KIAA1671: variants seen among roughly 807,000 people sequenced by gnomAD.
KIAA1671 encodes the protein KIAA1671.
KIAA1671 carries 52 observed loss-of-function variants against 131.2 expected under a neutral mutation model. The ratio of observed to expected loss-of-function variants is 0.40; its 90% CI spans 0.32 to 0.50. KIAA1671 has a LOEUF of 0.50. Among genes scored for constraint, KIAA1671 ranks in the 20% least tolerant of loss-of-function variants. The pLI is 0.73. For synonymous variants in KIAA1671, 1,003 were observed against 961.6 expected (o/e 1.04, Z -0.80); for missense variants, 2,360 against 2,364.2 (o/e 1.00, Z 0.04).
intron 1 of KIAA1671, among the ~76,000 whole-genome samples, chr22:24,958,389 C>G (rs1200672401): frequency 6.6e-6 from 1 of 152,090 alleles, no homozygotes; most frequent in Non-Finnish European, 1.5e-5. Context: ...GTGGCTCACG[C>G]CTGTAATCTC....
At chr22:25,098,812 C>G (rs1930510963) in intron 6 of KIAA1671, among the ~76,000 whole-genome samples, 1 of 152,204 alleles carries the variant, frequency 6.6e-6, no homozygotes, top group Non-Finnish European at 1.5e-5. Context: ...CTGGCTGCCC[C>G]ATTCCCTGCC....
At chr22:25,020,945 C>T (rs1179852419) in intron 1 of KIAA1671, among the ~76,000 whole-genome samples, 11 of 152,078 alleles carry the variant, frequency 7.2e-5, no homozygotes, top group African/African-American at 2.7e-4. Context: ...CAGGGAGACA[C>T]GGGGGCGTTA....
intron 1 of KIAA1671, among the ~76,000 whole-genome samples, chr22:24,987,373 G>A (rs1923608317): frequency 6.6e-6 from 1 of 151,768 alleles, no homozygotes; most frequent in Non-Finnish European, 1.5e-5. Flanking sequence ...GGGTTTCACC[G>A]TGTTAGCCAG....
At chr22:25,100,605 C>T (rs1355373691) in intron 6 of KIAA1671, among the ~76,000 whole-genome samples, 1 of 152,218 alleles carries the variant, frequency 6.6e-6, no homozygotes, top group African/African-American at 2.4e-5. Context: ...TGTCATTGTC[C>T]AGAGCCTCTG....
intron 3 of KIAA1671, among the ~76,000 whole-genome samples, chr22:25,030,227 A>C (rs1217741347): frequency 2.6e-5 from 4 of 152,170 alleles, no homozygotes; most frequent in African/African-American, 9.7e-5. Context: ...ATGATGTTCT[A>C]AGTCAGTTGG....
At chr22:25,128,032 A>G (rs918561190) in intron 6 of KIAA1671, among the ~76,000 whole-genome samples, 1 of 152,222 alleles carries the variant, frequency 6.6e-6, no homozygotes, top group African/African-American at 2.4e-5. Flanking sequence ...ACCTTGGCCA[A>G]GGGCCTCAAC....
chr22:25,146,542 G>A (rs896476585), intron 6 of KIAA1671, among the ~76,000 whole-genome samples: 25 of 152,186 alleles, frequency 1.6e-4, no homozygotes, highest in African/African-American at 5.8e-4. Context: ...ATATGTGGGG[G>A]CAAGGAAAGA....
chr22:25,080,204 G>A (rs949612938), intron 6 of KIAA1671, among the ~76,000 whole-genome samples: 2 of 152,164 alleles, frequency 1.3e-5, no homozygotes, highest in Non-Finnish European at 2.9e-5. Context: ...AGATACCGGT[G>A]TCAGCATACG....
intron 9 of KIAA1671, chr22:25,179,348 C>T (rs1232785046): frequency 5.6e-6 from 9 of 1,594,186 alleles, no homozygotes; most frequent in Non-Finnish European, 7.7e-6. Flanking sequence ...TGTTCCTGCG[C>T]ACCTCGGCCG....
chr22:25,113,233 AC>A (rs1387825610), intron 6 of KIAA1671, among the ~76,000 whole-genome samples: 1 of 152,042 alleles, frequency 6.6e-6, no homozygotes, highest in East Asian at 1.9e-4. Context: ...CAGGTCCCGA[AC>A]CCCAGGCTCT....
chr22:25,067,567 A>T (rs1319503721), intron 6 of KIAA1671, among the ~76,000 whole-genome samples: 1 of 149,818 alleles, frequency 6.7e-6, no homozygotes, highest in African/African-American at 2.5e-5. Context: ...TCCCTGTCTC[A>T]TGCCTTTCCT....
intron 6 of KIAA1671, among the ~76,000 whole-genome samples, chr22:25,087,415 C>G (rs1234108440): frequency 2.0e-5 from 3 of 152,170 alleles, no homozygotes; most frequent in African/African-American, 7.2e-5. Flanking sequence ...GAAACCCTGT[C>G]TCTACTGAAA....
At chr22:25,029,830 G>A (rs935477201) in intron 3 of KIAA1671, among the ~76,000 whole-genome samples, 1 of 152,238 alleles carries the variant, frequency 6.6e-6, no homozygotes, top group African/African-American at 2.4e-5. Context: ...CCATTTCATG[G>A]AGGCAGGGCA....
At chr22:25,024,009 A>G (rs1925807764) in intron 1 of KIAA1671, 1 of 152,142 alleles carries the variant, frequency 6.6e-6, no homozygotes, top group Non-Finnish European at 1.5e-5. Flanking sequence ...TAATTCATTC[A>G]TTGACTCATT....
intron 1 of KIAA1671, among the ~76,000 whole-genome samples, chr22:24,963,608 T>TG (rs922983213): frequency 4.6e-5 from 7 of 152,190 alleles, no homozygotes; most frequent in Admixed American, 4.6e-4. Flanking sequence ...CCTTGACCTG[T>TG]GCGCTGGCTT....
intron 6 of KIAA1671, among the ~76,000 whole-genome samples, chr22:25,094,698 G>A (rs1930314905): frequency 6.6e-6 from 1 of 152,144 alleles, no homozygotes; most frequent in African/African-American, 2.4e-5. Context: ...TGTGCCTTGA[G>A]AAAGGTGATT....
chr22:25,046,648 T>A (rs998165913), intron 5 of KIAA1671, among the ~76,000 whole-genome samples: 8 of 152,234 alleles, frequency 5.3e-5, no homozygotes, highest in Admixed American at 5.2e-4. Context: ...ATTCCTTTTT[T>A]TTAAATTCCT....
rs963733459 is a variant in KIAA1671 at position 25,039,218 on chromosome 22, G to A, written c.2088G>A (p.Pro696=). Residue 696 remains proline, a synonymous_variant, in exon 5 of 13, where the codon CCG becomes CCA. Coordinates refer to ENST00000358431, the MANE Select transcript of KIAA1671 (RefSeq NM_001145206.2). ...PTTLLNGELR[P]YHTPLRDKYP... ...CCCTTTTGAATGGTGAACTGAGACC[G>A]TATCACACGCCTCTCCGGGACAAAT... The A allele has an allele frequency of 3.9e-6, 6 of 1,552,090 alleles. No individual in the cohort carries two copies. Among genetic ancestry groups the A allele is most frequent in the African/African-American group, 1.4e-5 (1 of 73,048 alleles).
chr22:25,181,331 G>A (rs181117872), intron 9 of KIAA1671, among the ~76,000 whole-genome samples: 197 of 152,288 alleles, frequency 1.3e-3, no homozygotes, highest in African/African-American at 4.5e-3. Context: ...TCTCCTCTGA[G>A]AGCATAACCT....
Sources: allele counts gnomAD v4.1 joint callset (sites outside exome capture counted in the v4.1 genomes callset), GRCh38; gene constraint gnomAD v4.1.1; transcripts MANE v1.5; gene names NCBI Gene and HGNC (gene_info 2026-07-23, HGNC 2026-07-21).